The following BBOX1 variants were observed in gnomAD, a reference collection of about 807,000 sequenced individuals.
The protein encoded by BBOX1 is gamma-butyrobetaine hydroxylase 1.
Under a neutral mutation model 41.6 loss-of-function variants are expected in BBOX1, and 35 were observed. The ratio of observed to expected loss-of-function variants is 0.84; its 90% CI spans 0.64 to 1.11. The LOEUF (loss-of-function observed/expected upper bound fraction) is 1.11. BBOX1 is among the 50% of genes most tolerant of loss of function. BBOX1 has a pLI of 0.00. For missense variants in BBOX1, 458 were observed against 460.6 expected (o/e 0.99, Z 0.05); for synonymous variants, 163 against 154.7 (o/e 1.05, Z -0.40).
intron 5 of BBOX1, among the ~76,000 whole-genome samples, chr11:27,096,914 G>T (rs1402759065): frequency 6.6e-6 from 1 of 151,970 alleles, no homozygotes; most frequent in African/African-American, 2.4e-5. Flanking sequence ...AAAAGTGCAT[G>T]TCATTTTCCA....
At chr11:27,113,932 G>C (rs984816775) in intron 5 of BBOX1, among the ~76,000 whole-genome samples, 2 of 151,592 alleles carry the variant, frequency 1.3e-5, no homozygotes, top group Non-Finnish European at 2.9e-5. Flanking sequence ...TAGAAATAAA[G>C]GCATCCAAGT....
intron 4 of BBOX1, among the ~76,000 whole-genome samples, chr11:27,065,508 G>A (rs1317176179): frequency 6.6e-6 from 1 of 152,100 alleles, no homozygotes; most frequent in Non-Finnish European, 1.5e-5. Context: ...ACCTACCAGG[G>A]GAGACTCAGA....
intron 5 of BBOX1, among the ~76,000 whole-genome samples, chr11:27,114,132 T>A (rs1019258215): frequency 3.3e-5 from 5 of 151,762 alleles, no homozygotes; most frequent in Admixed American, 6.6e-5. Context: ...GAAAAGGAAA[T>A]CAACAGATCC....
At chr11:27,088,768 T>C (rs1397584430) in intron 4 of BBOX1, among the ~76,000 whole-genome samples, 1 of 152,048 alleles carries the variant, frequency 6.6e-6, no homozygotes, top group South Asian at 2.1e-4. Context: ...GACTAAGTAG[T>C]CTTATAAATC....
At chr11:27,045,722 G>T (rs756075938) in intron 2 of BBOX1, among the ~76,000 whole-genome samples, 53 of 152,088 alleles carry the variant, frequency 3.5e-4, no homozygotes, top group Non-Finnish European at 6.8e-4. Flanking sequence ...GCTAACATAG[G>T]TCTATGCTGG....
intron 6 of BBOX1, among the ~76,000 whole-genome samples, chr11:27,118,122 T>A (rs900074940): frequency 5.3e-5 from 8 of 152,024 alleles, no homozygotes; most frequent in Admixed American, 5.3e-4. Context: ...ATACTTTGTA[T>A]CTCAATATTT....
At chr11:27,094,995 A>T (rs911464080) in intron 5 of BBOX1, among the ~76,000 whole-genome samples, 1 of 151,940 alleles carries the variant, frequency 6.6e-6, no homozygotes, top group Non-Finnish European at 1.5e-5. Flanking sequence ...TGAAATAAAT[A>T]TTATCCTTCA....
intron 5 of BBOX1, among the ~76,000 whole-genome samples, chr11:27,098,974 G>A (rs530023090): frequency 4.6e-5 from 7 of 151,956 alleles, no homozygotes; most frequent in East Asian, 1.9e-4. Flanking sequence ...AATCAAGGTC[G>A]TATCTTTACT....
At chr11:27,047,379 A>G (rs1222841832) in intron 2 of BBOX1, 2 of 152,202 alleles carry the variant, frequency 1.3e-5, no homozygotes, top group Admixed American at 6.5e-5. Context: ...AATGTAATTA[A>G]TGTTTCTTGG....
intron 5 of BBOX1, among the ~76,000 whole-genome samples, chr11:27,108,783 T>C (rs1299758667): frequency 6.6e-6 from 1 of 152,060 alleles, no homozygotes; most frequent in Non-Finnish European, 1.5e-5. Context: ...ATAGCCAATT[T>C]TATCCTCAAT....
chr11:27,121,824 C>T (rs1020716877), intron 7 of BBOX1, among the ~76,000 whole-genome samples: 7 of 152,030 alleles, frequency 4.6e-5, no homozygotes, highest in Non-Finnish European at 7.4e-5. Flanking sequence ...AGACACAATA[C>T]GATTACAGAT....
intron 2 of BBOX1, among the ~76,000 whole-genome samples, chr11:27,054,206 T>TGA (rs1856902874): frequency 1.4e-4 from 1 of 7,268 alleles, no homozygotes; most frequent in Non-Finnish European, 2.7e-4. Flanking sequence ...TGTGTGTGTC[T>TGA]GTGTGTGTGT....
Position 27,127,287 on chromosome 11 carries a change from C to A in BBOX1, c.1004-6C>A. ...TTATTCATATTGGAAAAAATCTTTT[C>A]TTTAGGTGATGTGATTACTTTTGAT... On this transcript the variant is annotated splice_polypyrimidine_tract_variant and splice_region_variant and intron_variant, in intron 8 of 8. Coordinates refer to ENST00000263182, the MANE Select transcript of BBOX1 (RefSeq NM_003986.3). The A allele has an allele frequency of 6.2e-7, 1 of 1,612,688 alleles. No homozygotes were observed. Among genetic ancestry groups the A allele is most frequent in the Non-Finnish European group, 8.5e-7 (1 of 1,179,672 alleles).
chr11:27,098,224 T>C (rs995396873), intron 5 of BBOX1, among the ~76,000 whole-genome samples: 1 of 152,146 alleles, frequency 6.6e-6, no homozygotes, highest in South Asian at 2.1e-4. Flanking sequence ...CCACCACACC[T>C]GCTACATCCT....
In BBOX1 at chr11:27,085,862, C is replaced by G. The variant is rs188541262; in HGVS notation, c.335-7306C>G. On this transcript the variant is annotated intron_variant, in intron 4 of 8. Transcript: ENST00000263182. Reference sequence around the variant, plus strand: ...ATTGAAAGTGCTACTCCAGTAAACACACAAATGATAAGAAAGCAAAACAGC... The same window carrying G: ...ATTGAAAGTGCTACTCCAGTAAACAGACAAATGATAAGAAAGCAAAACAGC... 2.6e-5 allele frequency among the ~76,000 whole-genome samples: 4 copies of G among 152,218 alleles called. No individual in the cohort carries two copies. In the East Asian group the frequency reaches 7.7e-4, roughly 29 times the overall value.
chr11:27,113,993 A>G (rs1206219414), intron 5 of BBOX1, among the ~76,000 whole-genome samples: 2 of 151,828 alleles, frequency 1.3e-5, no homozygotes, highest in African/African-American at 4.8e-5. Context: ...ATGATCTTAC[A>G]TATAATAAAT....
chr11:27,102,053 C>T (rs1484831463), intron 5 of BBOX1, among the ~76,000 whole-genome samples: 4 of 151,918 alleles, frequency 2.6e-5, no homozygotes, highest in Non-Finnish European at 5.9e-5. Context: ...GAATGGACTT[C>T]AGACAACCAA....
chr11:27,065,034 T>G (rs1252907404), intron 4 of BBOX1, among the ~76,000 whole-genome samples: 1 of 152,214 alleles, frequency 6.6e-6, no homozygotes, highest in Non-Finnish European at 1.5e-5. Context: ...CCTAACCTGA[T>G]GGTCTTTCAT....
In BBOX1 at chr11:27,125,673, G is replaced by A. The variant is rs200378585; in HGVS notation, c.856G>A (p.Val286Met). The change falls in exon 8 of 9, where the codon GTG becomes ATG. Residue 286 changes from valine to methionine, a missense_variant. Transcript: ENST00000263182. The stretch of plus-strand genomic sequence containing the variant: ...AAACAGGTTAGATGATAAAGGCCAA[G>A]TGGTTCGCATCAACTTCAATAACGC... ...KIIELDDKGQ[V>M]VRINFNNATR... is the part of the protein sequence containing the mutation. 6 of 1,576,578 alleles carry A rather than the reference G, an allele frequency of 3.8e-6. No individual in the cohort carries two copies. The East Asian group carries it at 1.4e-4, about 37-fold the overall frequency.
Sources: allele counts gnomAD v4.1 joint callset (sites outside exome capture counted in the v4.1 genomes callset), GRCh38; gene constraint gnomAD v4.1.1; transcripts MANE v1.5; gene names NCBI Gene and HGNC (gene_info 2026-07-23, HGNC 2026-07-21).